Variants in ARRB2 observed in about 807,000 individuals in gnomAD.
ARRB2 encodes arrestin beta 2, also known as beta-arrestin-2.
A neutral mutation model predicts 53.4 loss-of-function variants in ARRB2; 21 were observed. The observed-to-expected ratio is 0.39, with a 90% CI of 0.28 to 0.57. The LOEUF (loss-of-function observed/expected upper bound fraction) is 0.57, where lower values mean the gene tolerates loss of function less well. Ranked by LOEUF, ARRB2 falls within the 20% of genes least tolerant of loss-of-function variation. The probability of loss-of-function intolerance (pLI) is 0.55; values close to 1 mark genes in which losing one functional copy is unlikely to be tolerated. For synonymous variants in ARRB2, 180 were observed against 212.9 expected (o/e 0.85, Z 1.34); for missense variants, 369 against 527.5 (o/e 0.70, Z 2.94).
chr17:4,719,215 G>A, intron 10 of ARRB2, 68 bp from the exon 11 acceptor site: 1 of 1,553,158 alleles, frequency 6.4e-7, no homozygotes. Flanking sequence ...TGCTGCTTGG[G>A]GGTCATAGGC....
chr17:4,716,990 A>G, intron 5 of ARRB2: 1 of 595,118 alleles, frequency 1.7e-6, no homozygotes, highest in Non-Finnish European at 3.0e-6. Context: ...ACGCACCACC[A>G]CACACGACTA....
At chr17:4,719,633 A>G (rs1444838170) in intron 11 of ARRB2, among the ~76,000 whole-genome samples, 1 of 152,022 alleles carries the variant, frequency 6.6e-6, no homozygotes, top group Non-Finnish European at 1.5e-5. Flanking sequence ...GCAGAGAAGG[A>G]AGGGATGGGG....
At chr17:4,720,124 G>A in intron 11 of ARRB2, 92 bp from the exon 12 acceptor site, 1 of 1,354,484 alleles carries the variant, frequency 7.4e-7, no homozygotes, top group South Asian at 1.3e-5. Flanking sequence ...GTGCGAGTTT[G>A]TGGTCCTGCC....
At position 4,716,458 on chromosome 17, in the gene ARRB2, G is replaced by A. The variant is rs1915038475; in HGVS notation, c.207G>A (p.Leu69=). Residue 69 remains leucine, a synonymous_variant, in exon 5 of 15, where the codon CTG becomes CTA. Transcript: ENST00000269260. Reference sequence around the variant, plus strand: ...CCTTCCGCTATGGCCGTGAAGACCTGGATGTGCTGGGCTTGTCCTTCCGCA... The same window carrying A: ...CCTTCCGCTATGGCCGTGAAGACCTAGATGTGCTGGGCTTGTCCTTCCGCA... ...TCAFRYGRED[L]DVLGLSFRKD... The A allele has an allele frequency of 6.2e-7, 1 of 1,614,058 alleles. No homozygotes were observed. Among genetic ancestry groups the A allele is most frequent in the South Asian group, 1.1e-5 (1 of 91,082 alleles).
rs1375664760 is a variant in ARRB2, at chr17:4,720,131, T to C, written c.918-85T>C. On this transcript the variant is annotated intron_variant, in intron 11 of 14. Coordinates refer to ENST00000269260, the MANE Select transcript of ARRB2 (RefSeq NM_004313.4). ...GGGGGCCTGTGCGAGTTTGTGGTCC[T>C]GCCCAGAGTCCCCGTGGGAACCCCA... 4.2e-6 allele frequency: 6 copies of C among 1,427,350 alleles called. No individual in the cohort carries two copies. The African/African-American group carries it at 7.1e-5, about 17-fold the overall frequency. The allele number at this position is 1,427,350 out of a possible 1,614,324, so 88.4% of individuals were successfully genotyped here. A position where few individuals can be genotyped will look rare whatever the true frequency, so the allele number is the denominator to read the frequency against.
At chr17:4,710,853 G>C (rs1402714354) in intron 1 of ARRB2, 109 bp downstream of exon 1, 1 of 396,924 alleles carries the variant, frequency 2.5e-6, no homozygotes, top group African/African-American at 2.1e-5. Context: ...CGGACGCCTG[G>C]GTCCCTAGGG....
intron 8 of ARRB2, 108 bp downstream of exon 8, chr17:4,718,131 G>A: frequency 6.4e-7 from 1 of 1,568,204 alleles, no homozygotes; most frequent in East Asian, 2.3e-5. Flanking sequence ...CCTTGGCTGG[G>A]TGTGGACAGT....
chr17:4,711,460 ACC>A (rs1200810432), intron 1 of ARRB2, among the ~76,000 whole-genome samples: 1 of 151,968 alleles, frequency 6.6e-6, no homozygotes, highest in Non-Finnish European at 1.5e-5. Context: ...GTGACTCAAC[ACC>A]CCCAAGGGGC....
chr17:4,721,025 G>T lies in ARRB2; in HGVS notation c.1216G>T (p.Asp406Tyr), dbSNP rs1915645903. The part of the protein sequence containing the change: ...LKGMKDDDYD[D>Y]QLC ...GGGGATGAAGGATGACGACTATGATGATCAACTCTGCTAGGAAGCGGGGTG... is the reference window on the plus strand; with the variant it reads ...GGGGATGAAGGATGACGACTATGATTATCAACTCTGCTAGGAAGCGGGGTG... The change falls in exon 15 of 15, where the codon GAT (aspartate) becomes TAT (tyrosine). Residue 406 changes from aspartate (D) to tyrosine (Y), a missense_variant. By Grantham distance (160) the Asp-to-Tyr change is radical. Transcript: ENST00000269260. This position sits in a 1 kb window ranked among gnomAD's most constrained non-coding sequence, Gnocchi z 4.2. 1.9e-6 allele frequency: 3 copies of T among 1,613,186 alleles called. No homozygotes were observed. The highest frequency in any genetic ancestry group is 2.5e-6 in the Non-Finnish European group (3 of 1,179,250).
chr17:4,719,069 C>T (rs1169294169), intron 10 of ARRB2, among the ~76,000 whole-genome samples: 1 of 152,194 alleles, frequency 6.6e-6, no homozygotes, highest in Admixed American at 6.5e-5. Context: ...CCGCCGCGAC[C>T]GGCCACCATC....
chr17:4,712,375 G>A (rs1054023541), intron 1 of ARRB2, among the ~76,000 whole-genome samples: 6 of 152,228 alleles, frequency 3.9e-5, no homozygotes, highest in African/African-American at 1.2e-4. Flanking sequence ...GCAGAAACTG[G>A]GCCTATGGTA....
At position 4,717,579 on chromosome 17, in the gene ARRB2, A is replaced by C; in HGVS notation, c.418-106A>C. ...TTAGTCCCCAGGGTCGTGAGACCACAATGAGGCAAGAGTCCCTGCCCGAGA... is the reference window on the plus strand; with the variant it reads ...TTAGTCCCCAGGGTCGTGAGACCACCATGAGGCAAGAGTCCCTGCCCGAGA... On this transcript the variant is annotated intron_variant, in intron 6 of 14. Transcript: ENST00000269260. This position sits in a 1 kb window ranked among gnomAD's most constrained non-coding sequence, Gnocchi z 6.0. 2.8e-6 allele frequency: 4 copies of C among 1,449,928 alleles called. No individual in the cohort carries two copies. The highest frequency in any genetic ancestry group is 3.9e-6 in the Non-Finnish European group (4 of 1,037,804). The allele number at this position is 1,449,928 out of a possible 1,614,324, so 89.8% of individuals were successfully genotyped here.
chr17:4,716,946 TG>T (rs1915133260), intron 5 of ARRB2: 1 of 587,356 alleles, frequency 1.7e-6, no homozygotes, highest in Non-Finnish European at 3.0e-6. Context: ...GTGATTCTTA[TG>T]CCTCAGCCTC....
At chr17:4,718,086 G>C in intron 8 of ARRB2, 63 bp downstream of exon 8, 1 of 1,603,424 alleles carries the variant, frequency 6.2e-7, no homozygotes, top group Non-Finnish European at 8.5e-7. Flanking sequence ...GAGGGGCGAA[G>C]CCACACATCA....
chr17:4,719,656 C>G (rs1416717727), intron 11 of ARRB2, among the ~76,000 whole-genome samples: 1 of 151,928 alleles, frequency 6.6e-6, no homozygotes, highest in African/African-American at 2.4e-5. Context: ...CAGTGAGGTG[C>G]GAAGGTGAAT....
Position 4,710,758 on chromosome 17 carries a change from G to A in ARRB2, c.23+14G>A, listed in dbSNP as rs1157359931. On this transcript the variant is annotated intron_variant, in intron 1 of 14. Transcript: ENST00000269260. ...ACCCGGGACCAGGTAAGGGAGGTGG[G>A]GCCACGCGGCGGGGCATGGGCGGCG... is the stretch of plus-strand genomic sequence containing the variant. The A allele has an allele frequency of 1.0e-5, 4 of 398,788 alleles. No individual in the cohort carries two copies. The highest frequency in any genetic ancestry group is 2.1e-5 in the African/African-American group (1 of 48,590). The allele number at this position is 398,788 out of a possible 1,614,324, so 24.7% of individuals were successfully genotyped here. A position where few individuals can be genotyped will look rare whatever the true frequency, so the allele number is the denominator to read the frequency against.
At chr17:4,715,680 A>G (rs2150589991) in intron 2 of ARRB2, 2 of 425,374 alleles carry the variant, frequency 4.7e-6, no homozygotes, top group East Asian at 4.6e-5. Flanking sequence ...CACACACCTG[A>G]CTGGTTGGCT....
rs140765018 is a variant in ARRB2, at chr17:4,716,214, G to C, written c.160+23G>C. ...AAGGTACTGGCCCCAAGTCCAGGGG[G>C]CCCAGGGAAAGTGGGGGCTAGGGAA... On this transcript the variant is annotated intron_variant, in intron 4 of 14. Coordinates refer to ENST00000269260, the MANE Select transcript of ARRB2 (RefSeq NM_004313.4). 368 of 1,613,790 alleles carry C rather than the reference G, an allele frequency of 2.3e-4. 2 individuals carry two copies. The East Asian group carries it at 7.6e-3, about 33-fold the overall frequency.
Position 4,717,473 on chromosome 17 carries a change from A to C in ARRB2, c.417+197A>C. The C allele has an allele frequency of 1.1e-6, 1 of 869,636 alleles. No homozygotes were observed. Among genetic ancestry groups the C allele is most frequent in the Non-Finnish European group, 1.8e-6 (1 of 555,334 alleles). The allele number at this position is 869,636 out of a possible 1,614,324, so 53.9% of individuals were successfully genotyped here. A position where few individuals can be genotyped will look rare whatever the true frequency, so the allele number is the denominator to read the frequency against. ...ACTGCCTCCTGCTCTGTGGACCCGC[A>C]TGGATCTGGGGATGGGGGCTCCCCT... On this transcript the variant is annotated intron_variant, in intron 6 of 14. Transcript: ENST00000269260. The surrounding 1 kb of genome is among the most constrained non-coding windows in gnomAD (Gnocchi z 6.0).
Sources: gnomAD v4.1 joint callset for allele counts (sites outside exome capture counted in the v4.1 genomes callset) on GRCh38, gnomAD v4.1.1 for gene constraint, Gnocchi (gnomAD v3.1) non-coding constraint, MANE v1.5 for transcripts, NCBI Gene and HGNC (gene_info 2026-07-23, HGNC 2026-07-21) for gene names.